The following BTAF1 variants were observed in gnomAD, a reference collection of about 807,000 sequenced individuals.
BTAF1 encodes the protein B-TFIID TATA-box binding protein associated factor 1.
Under a neutral mutation model 227.1 loss-of-function variants are expected in BTAF1, and 38 were observed. That is an observed-to-expected ratio of 0.17 (90% CI 0.13 to 0.22). The LOEUF (loss-of-function observed/expected upper bound fraction) is 0.22, where lower values mean the gene tolerates loss of function less well. Among genes scored for constraint, BTAF1 ranks in the 10% least tolerant of loss-of-function variants. BTAF1 has a pLI of 1.00. For synonymous variants in BTAF1, 742 were observed against 751.9 expected (o/e 0.99, Z 0.21); for missense variants, 1,598 against 2,204.0 (o/e 0.73, Z 5.51).
At chr10:92,017,289 T>TG (rs1418202257) in intron 33 of BTAF1, among the ~76,000 whole-genome samples, 3 of 152,164 alleles carry the variant, frequency 2.0e-5, no homozygotes, top group South Asian at 4.2e-4. Flanking sequence ...TGCAGGTGTA[T>TG]GGGGGGAAGT....
intron 6 of BTAF1, among the ~76,000 whole-genome samples, chr10:91,954,508 A>G (rs774016252): frequency 2.3e-4 from 35 of 151,036 alleles, no homozygotes; most frequent in Non-Finnish European, 4.3e-4. Flanking sequence ...GTTCAAAACT[A>G]TTTCCTTCAG....
chr10:92,001,946 CAAAAAAAAA>C (rs10561232), intron 25 of BTAF1, among the ~76,000 whole-genome samples: 2 of 84,896 alleles, frequency 2.4e-5, no homozygotes, highest in Non-Finnish European at 4.2e-5. Flanking sequence ...AACCCTGTCT[CAAAAAAAAA>C]AAAAAAAAAA....
intron 25 of BTAF1, among the ~76,000 whole-genome samples, chr10:92,001,985 T>TATACACACAC (rs1491424232): frequency 1.4e-5 from 1 of 73,374 alleles, no homozygotes; most frequent in African/African-American, 4.3e-5. Flanking sequence ...TATATATATA[T>TATACACACAC]ACACACACAC....
intron 34 of BTAF1, among the ~76,000 whole-genome samples, chr10:92,022,161 G>T (rs1851186007): frequency 6.6e-6 from 1 of 152,198 alleles, no homozygotes; most frequent in Non-Finnish European, 1.5e-5. Context: ...ACCAGACAGA[G>T]ATACTTACGT....
At chr10:91,991,835 A>ACACATATATATATATATATATACG (rs1430236589) in intron 20 of BTAF1, among the ~76,000 whole-genome samples, 14 of 147,160 alleles carry the variant, frequency 9.5e-5, no homozygotes, top group African/African-American at 3.3e-4. Flanking sequence ...ATATATATAC[A>ACACATATATATATATATATATACG]CACATATATA....
chr10:92,011,177 AATT>A, intron 29 of BTAF1, 27 bp downstream of exon 29: 1 of 1,536,858 alleles, frequency 6.5e-7, no homozygotes, highest in Non-Finnish European at 8.8e-7. Context: ...TTTTTAGAAA[AATT>A]AATATCAAAT....
Position 91,989,385 on chromosome 10 carries a change from AAAG to A in BTAF1, c.2664_2666del (p.Glu889del), listed in dbSNP as rs1188314259. 1.9e-6 allele frequency: 3 copies of A among 1,614,114 alleles called. No individual in the cohort carries two copies. The highest frequency in any genetic ancestry group is 2.5e-6 in the Non-Finnish European group (3 of 1,180,052). On this transcript the variant is annotated inframe_deletion, in exon 20 of 38. Transcript: ENST00000265990. ...AAAACCATTAATGGAGACAATTAAA[AAAG>A]AAGAGAATACACTAGTGCAAAACTA...
chr10:92,023,297 G>A (rs1851270387), intron 34 of BTAF1, among the ~76,000 whole-genome samples: 1 of 152,178 alleles, frequency 6.6e-6, no homozygotes, highest in Non-Finnish European at 1.5e-5. Context: ...ATTGAGTTTG[G>A]AGTTTGCCTG....
intron 19 of BTAF1, among the ~76,000 whole-genome samples, chr10:91,985,168 T>A (rs577613594): frequency 2.6e-4 from 40 of 152,270 alleles, no homozygotes; most frequent in African/African-American, 9.6e-4. Context: ...GAGTAACCAT[T>A]ATTCTAATTC....
intron 6 of BTAF1, among the ~76,000 whole-genome samples, chr10:91,954,849 C>T (rs2133871916): frequency 6.6e-6 from 1 of 152,318 alleles, no homozygotes; most frequent in South Asian, 2.1e-4. Flanking sequence ...TGAGCCATCA[C>T]ACCTGGCCAA....
chr10:91,984,249 C>G lies in BTAF1; in HGVS notation c.2272C>G (p.Leu758Val), dbSNP rs1848251423. 6.2e-7 allele frequency: 1 copy of G among 1,613,764 alleles called. No homozygotes were observed. The highest frequency in any genetic ancestry group is 8.5e-7 in the Non-Finnish European group (1 of 1,179,922). The change falls in exon 19 of 38, where the codon CTT becomes GTT. Residue 758 changes from leucine (L) to valine (V), a missense_variant. By Grantham distance (32) the Leu-to-Val change is conservative. Transcript: ENST00000265990. The stretch of plus-strand genomic sequence containing the variant: ...TGTGCAGCCGCGTTTACTTGATATC[C>G]TTTCAGAACATTTATATTATGACGA... Reference protein sequence around the residue: ...LAVQPRLLDILSEHLYYDEIA... With the variant: ...LAVQPRLLDIVSEHLYYDEIA...
chr10:91,924,117 T>A (rs1467099361), intron 1 of BTAF1, 27 bp downstream of exon 1: 12 of 1,605,092 alleles, frequency 7.5e-6, no homozygotes, highest in Non-Finnish European at 1.0e-5. Context: ...ACGAGCAAAC[T>A]GGAAGGCGAT....
intron 22 of BTAF1, among the ~76,000 whole-genome samples, 194 bp downstream of exon 22, chr10:91,994,041 T>C (rs978938928): frequency 2.0e-5 from 3 of 152,190 alleles, no homozygotes; most frequent in Non-Finnish European, 4.4e-5. Flanking sequence ...GGGTTGGGCA[T>C]GGTGGCTCAT....
intron 34 of BTAF1, among the ~76,000 whole-genome samples, chr10:92,023,684 TA>T (rs532206047): frequency 1.4e-4 from 21 of 151,014 alleles, no homozygotes; most frequent in Non-Finnish European, 2.7e-4. Context: ...ACTCTGTCTC[TA>T]AAAAAAAAGA....
At chr10:92,002,413 G>A (rs76924751) in intron 25 of BTAF1, among the ~76,000 whole-genome samples, 6,932 of 152,202 alleles carry the variant, frequency 0.046, 224 homozygotes, top group Non-Finnish European at 0.07. Context: ...GAGTGAGAAG[G>A]ACACTCACGA....
intron 21 of BTAF1, among the ~76,000 whole-genome samples, chr10:91,992,534 C>T (rs912621639): frequency 6.6e-6 from 1 of 152,128 alleles, no homozygotes; most frequent in Non-Finnish European, 1.5e-5. Context: ...GGCAAGACAG[C>T]CTTGTAAACT....
chr10:91,926,890 A>G (rs1364149616), intron 1 of BTAF1, among the ~76,000 whole-genome samples: 2 of 152,082 alleles, frequency 1.3e-5, no homozygotes, highest in African/African-American at 2.4e-5. Flanking sequence ...GTTGTTTCCT[A>G]TTGCCTTAGG....
intron 14 of BTAF1, among the ~76,000 whole-genome samples, chr10:91,978,355 G>A (rs1258378225): frequency 6.6e-6 from 1 of 152,120 alleles, no homozygotes; most frequent in Admixed American, 6.5e-5. Flanking sequence ...CAGTGTTGGG[G>A]TTGAGGGTCG....
At chr10:92,003,804 T>C (rs546776428) in intron 25 of BTAF1, among the ~76,000 whole-genome samples, 1 of 152,348 alleles carries the variant, frequency 6.6e-6, no homozygotes, top group East Asian at 1.9e-4. Context: ...GTTTTATTTT[T>C]AATTTTTTGA....
Sources: gnomAD v4.1 joint callset for allele counts (sites outside exome capture counted in the v4.1 genomes callset) on GRCh38, gnomAD v4.1.1 for gene constraint, MANE v1.5 for transcripts, NCBI Gene and HGNC (gene_info 2026-07-23, HGNC 2026-07-21) for gene names.